Variants in PLVAP observed in about 807,000 individuals in gnomAD.
PLVAP encodes the protein plasmalemma vesicle associated protein, also known as plasmalemma vesicle-associated protein.
Under a neutral mutation model 43.1 loss-of-function variants are expected in PLVAP, and 34 were observed. The ratio of observed to expected loss-of-function variants is 0.79; its 90% CI spans 0.60 to 1.05. PLVAP has a LOEUF of 1.05. Ranked by LOEUF, PLVAP falls within the 50% of genes least tolerant of loss-of-function variation. PLVAP has a pLI of 0.00. For synonymous variants in PLVAP, 241 were observed against 237.3 expected, an observed-to-expected ratio of 1.02 and a Z score of -0.14; for missense variants, 574 against 593.4, an observed-to-expected ratio of 0.97 and a Z score of 0.34.
Position 17,365,913 on chromosome 19 carries a change from T to C in PLVAP, c.552A>G (p.Glu184=), listed in dbSNP as rs775969120. The C allele has an allele frequency of 1.9e-6, 3 of 1,614,098 alleles. No individual in the cohort carries two copies. The South Asian group carries it at 3.3e-5, about 18-fold the overall frequency. Residue 184 remains glutamate (E), a synonymous_variant, in exon 3 of 6, where the codon GAA becomes GAG. Transcript: ENST00000252590. Reference sequence around the variant, plus strand: ...CCACGCGTTTGTTCAGCAGCACGCTTTCCTTATCCTTAGTGCAAATGGTCT... The same window carrying C: ...CCACGCGTTTGTTCAGCAGCACGCTCTCCTTATCCTTAGTGCAAATGGTCT... ...KEKTICTKDK[E]SVLLNKRVAE... is the part of the protein sequence containing the mutation.
At chr19:17,358,581 G>T (rs1008623087) in intron 5 of PLVAP, among the ~76,000 whole-genome samples, 1 of 152,064 alleles carries the variant, frequency 6.6e-6, no homozygotes, top group Non-Finnish European at 1.5e-5. Context: ...CTATTCTTGG[G>T]GCGGTGGCCT....
intron 3 of PLVAP, among the ~76,000 whole-genome samples, chr19:17,363,002 T>C (rs1320838604): frequency 2.6e-5 from 4 of 152,080 alleles, no homozygotes; most frequent in Non-Finnish European, 2.9e-5. Context: ...ACCCCAATCC[T>C]CATCCCAGCC....
intron 5 of PLVAP, among the ~76,000 whole-genome samples, chr19:17,353,908 T>TGGACA (rs1338816904): frequency 7.0e-6 from 1 of 143,288 alleles, no homozygotes; most frequent in Non-Finnish European, 1.5e-5. Flanking sequence ...ACGGCTCGAA[T>TGGACA]GGACACACGA....
At position 17,366,202 on chromosome 19, in the gene PLVAP, G is replaced by C; in HGVS notation, c.370-7C>G. The stretch of plus-strand genomic sequence containing the variant: ...GATTGTTCGTGTAGATGACCTGCCC[G>C]GAAGATAGGGGAAGGACGCAGGACA... On this transcript the variant is annotated splice_region_variant and splice_polypyrimidine_tract_variant and intron_variant, in intron 1 of 5. Coordinates refer to ENST00000252590, the MANE Select transcript of PLVAP (RefSeq NM_031310.3). The C allele has an allele frequency of 6.2e-7, 1 of 1,613,482 alleles. No homozygotes were observed. Among genetic ancestry groups the C allele is most frequent in the Non-Finnish European group, 8.5e-7 (1 of 1,179,598 alleles).
In PLVAP at chr19:17,365,523, G is replaced by T. The variant is rs770251971; in HGVS notation, c.942C>A (p.Gly314=). 5.0e-6 allele frequency: 8 copies of T among 1,612,016 alleles called. No individual in the cohort carries two copies. The South Asian group carries it at 8.8e-5, about 18-fold the overall frequency. The change falls in exon 3 of 6, where the codon GGC becomes GGA. Residue 314 remains glycine, a synonymous_variant. Transcript: ENST00000252590. Reference sequence around the variant, plus strand: ...GTTTCGCCTCCTGACTGGCCCGCAGGCCCTGCTGGGCTTCCAGCTTCTGGC... The same window carrying T: ...GTTTCGCCTCCTGACTGGCCCGCAGTCCCTGCTGGGCTTCCAGCTTCTGGC... ...LQRQKLEAQQ[G]LRASQEAKQK...
At chr19:17,359,998 G>GT (rs1340782298) in intron 5 of PLVAP, among the ~76,000 whole-genome samples, 1 of 151,996 alleles carries the variant, frequency 6.6e-6, no homozygotes, top group African/African-American at 2.4e-5. Flanking sequence ...CTAGAACACT[G>GT]TTCCCCCTGC....
chr19:17,364,359 A>G (rs144135768), intron 3 of PLVAP, among the ~76,000 whole-genome samples: 5,592 of 152,110 alleles, frequency 0.037, 175 homozygotes, highest in Non-Finnish European at 0.052. Context: ...TGCTAGGATT[A>G]CAGGCGTGAG....
chr19:17,363,741 ATTTT>A (rs35934458), intron 3 of PLVAP, among the ~76,000 whole-genome samples: 2 of 120,912 alleles, frequency 1.7e-5, no homozygotes, highest in Admixed American at 8.8e-5. Context: ...CACCCGGCTA[ATTTT>A]TTTTTTTTTT....
At chr19:17,362,538 C>T (rs1351336357) in intron 3 of PLVAP, 2 of 152,382 alleles carry the variant, frequency 1.3e-5, no homozygotes, top group African/African-American at 2.4e-5. Context: ...ATACCAATCC[C>T]TATGTCAATG....
In PLVAP at chr19:17,352,376, A is replaced by G. The variant is rs541692135; in HGVS notation, c.1323-8T>C. Reference sequence around the variant, plus strand: ...CTGGAGCCTCCTCAGCCACTAGGGCAGGAAGGGGATGGTAACACAACAGAG... The same window carrying G: ...CTGGAGCCTCCTCAGCCACTAGGGCGGGAAGGGGATGGTAACACAACAGAG... On this transcript the variant is annotated splice_region_variant and splice_polypyrimidine_tract_variant and intron_variant, in intron 5 of 5. Coordinates refer to ENST00000252590, the MANE Select transcript of PLVAP (RefSeq NM_031310.3). 1.7e-5 allele frequency: 27 copies of G among 1,613,444 alleles called. No individual in the cohort carries two copies. Among genetic ancestry groups the G allele is most frequent in the Middle Eastern group, 1.7e-4 (1 of 6,058 alleles).
rs568848585 is a variant in PLVAP, at chr19:17,358,621, C to A, written c.1322+1907G>T. On this transcript the variant is annotated intron_variant, in intron 5 of 5. Coordinates refer to ENST00000252590, the MANE Select transcript of PLVAP (RefSeq NM_031310.3). ...CACCATCCCTGTGACGCACAGGCCA[C>A]CCTCTGAGAAGTGACTGACTCTGGG... is the stretch of plus-strand genomic sequence containing the variant. Among the ~76,000 whole-genome samples the A allele has an allele frequency of 5.1e-4, 77 of 152,218 alleles. 1 individual carries two copies. The South Asian group carries it at 0.015, about 30-fold the overall frequency.
intron 1 of PLVAP, among the ~76,000 whole-genome samples, chr19:17,370,268 C>T (rs973703658): frequency 6.6e-5 from 10 of 152,102 alleles, no homozygotes; most frequent in Non-Finnish European, 1.3e-4. Context: ...ATAGTTACCA[C>T]GTGACCCAGA....
rs2074486461 is a variant in PLVAP at position 17,351,827 on chromosome 19, A to G, written c.*535T>C. 1 of 157,594 alleles carries G rather than the reference A, an allele frequency of 6.3e-6. No homozygotes were observed. The highest frequency in any genetic ancestry group is 1.8e-4 in the East Asian group (1 of 5,474). 9.8% of individuals were successfully genotyped at this position (157,594 alleles called of 1,614,324 possible). ...GGGTAGAAAGTGTGTGTGAAAGGGC[A>G]TGCGTGCATGTGATGTTGGTGCCAT... On this transcript the variant is annotated 3_prime_UTR_variant, in exon 6 of 6. Transcript: ENST00000252590.
chr19:17,356,954 C>T (rs193155125), intron 5 of PLVAP, among the ~76,000 whole-genome samples: 7 of 150,348 alleles, frequency 4.7e-5, no homozygotes, highest in Admixed American at 1.3e-4. Flanking sequence ...AGAGAAACTC[C>T]GTCTCAAAAA....
At chr19:17,373,515 G>A (rs1457974056) in intron 1 of PLVAP, among the ~76,000 whole-genome samples, 1 of 151,822 alleles carries the variant, frequency 6.6e-6, no homozygotes, top group Non-Finnish European at 1.5e-5. Flanking sequence ...CCACTGCCTG[G>A]GCCCTGGCCA....
chr19:17,360,618 GGA>G lies in PLVAP; in HGVS notation c.1241-11_1241-10del, dbSNP rs751701978. The stretch of plus-strand genomic sequence containing the variant: ...CTCCAGGCTAGCTGGGTCTGTGGAG[GGA>G]GAGAGGTGAGGCTTGACCTACAGCT... On this transcript the variant is annotated splice_polypyrimidine_tract_variant and intron_variant, in intron 4 of 5. Coordinates refer to ENST00000252590, the MANE Select transcript of PLVAP (RefSeq NM_031310.3). The G allele has an allele frequency of 6.2e-7, 1 of 1,610,494 alleles. No homozygotes were observed.
rs570904604 is a variant in PLVAP, at chr19:17,363,836, G to A, written c.1179+1450C>T. On this transcript the variant is annotated intron_variant, in intron 3 of 5. Transcript: ENST00000252590. ...TGGTTCACTGCAAGCTCTGCCTCCC[G>A]GGTTCACGCCATTCTCCCGCCTCAG... 7.3e-5 allele frequency among the ~76,000 whole-genome samples: 11 copies of A among 150,304 alleles called. No homozygotes were observed. In the East Asian group the frequency reaches 1.8e-3, roughly 24 times the overall value.
chr19:17,366,255 CCTGG>C (rs1157007067), intron 1 of PLVAP, 60 bp from the exon 2 acceptor site: 1 of 1,555,732 alleles, frequency 6.4e-7, no homozygotes. Flanking sequence ...CCCAGGACTG[CCTGG>C]ACCCAGATCG....
chr19:17,362,393 C>G (rs2145721170), intron 3 of PLVAP: 1 of 152,292 alleles, frequency 6.6e-6, no homozygotes, highest in South Asian at 2.1e-4. Context: ...CTCAACCCAG[C>G]CCTGATCGTC....
Sources: allele counts gnomAD v4.1 joint callset (sites outside exome capture counted in the v4.1 genomes callset), GRCh38; gene constraint gnomAD v4.1.1; transcripts MANE v1.5; gene names NCBI Gene and HGNC (gene_info 2026-07-23, HGNC 2026-07-21).